Variants in ARHGAP17 observed in about 807,000 individuals in gnomAD.
ARHGAP17 encodes Rho GTPase activating protein 17, also known as rho GTPase-activating protein 17.
ARHGAP17 carries 57 observed loss-of-function variants against 99.5 expected under a neutral mutation model. The ratio of observed to expected loss-of-function variants is 0.57; its 90% confidence interval spans 0.46 to 0.71. ARHGAP17 has a LOEUF of 0.71. Among genes scored for constraint, ARHGAP17 ranks in the 30% least tolerant of loss-of-function variants. The pLI is 0.00. For synonymous variants in ARHGAP17, 417 were observed against 429.6 expected, an observed-to-expected ratio of 0.97 and a Z score of 0.36; for missense variants, 1,000 against 1,122.4, an observed-to-expected ratio of 0.89 and a Z score of 1.56.
chr16:24,996,505 C>T (rs2053195285), intron 1 of ARHGAP17, among the ~76,000 whole-genome samples: 1 of 152,206 alleles, frequency 6.6e-6, no homozygotes, highest in Admixed American at 6.5e-5. Context: ...TATGCATGCA[C>T]ATCTCCTTTG....
Position 24,949,438 on chromosome 16 carries a change from G to A in ARHGAP17, c.1093C>T (p.Gln365Ter). Residue 365 changes from glutamine (Q) to a stop codon, truncating the protein, a stop_gained, in exon 13 of 20, where the codon CAG becomes TAG. Transcript: ENST00000289968. LOFTEE classifies it high-confidence loss of function. ...KKLQDLWRTCQKLPPQNFVNF... is the reference protein window; with the variant it reads ...KKLQDLWRTC The stretch of plus-strand genomic sequence containing the variant: ...ACAAAATTTTGTGGTGGCAACTTCT[G>A]ACATGTTCTCCACAAGTCTTGAAGT... 1 of 1,613,802 alleles carries A rather than the reference G, an allele frequency of 6.2e-7. No individual in the cohort carries two copies. The highest frequency in any genetic ancestry group is 1.7e-5 in the Admixed American group (1 of 59,982).
intron 17 of ARHGAP17, 54 bp downstream of exon 17, chr16:24,939,310 G>C: frequency 1.3e-6 from 2 of 1,490,748 alleles, no homozygotes; most frequent in Non-Finnish European, 1.8e-6. Flanking sequence ...GCCACCACCT[G>C]CAAGAAGGCT....
chr16:25,006,240 A>G (rs1293890211), intron 1 of ARHGAP17, among the ~76,000 whole-genome samples: 1 of 151,984 alleles, frequency 6.6e-6, no homozygotes, highest in East Asian at 1.9e-4. Flanking sequence ...GGTCAGTTCC[A>G]GACCAGCCTG....
intron 1 of ARHGAP17, among the ~76,000 whole-genome samples, chr16:25,000,987 C>T (rs1237052342): frequency 1.3e-5 from 2 of 152,196 alleles, no homozygotes; most frequent in Non-Finnish European, 2.9e-5. Flanking sequence ...TATTACAACA[C>T]TTGTATTTTA....
chr16:24,982,417 A>C (rs1425747016), intron 1 of ARHGAP17, among the ~76,000 whole-genome samples: 1 of 152,220 alleles, frequency 6.6e-6, no homozygotes, highest in Admixed American at 6.5e-5. Flanking sequence ...AAAACAAAAA[A>C]AAAATGTGTA....
At chr16:24,967,039 A>G (rs1361416530) in intron 6 of ARHGAP17, among the ~76,000 whole-genome samples, 2 of 152,206 alleles carry the variant, frequency 1.3e-5, no homozygotes, top group Non-Finnish European at 2.9e-5. Flanking sequence ...TCAGTTGAAA[A>G]CACAGATGAA....
intron 1 of ARHGAP17, among the ~76,000 whole-genome samples, chr16:24,979,504 T>C (rs1014871397): frequency 3.9e-5 from 6 of 152,086 alleles, no homozygotes; most frequent in Non-Finnish European, 8.8e-5. Context: ...CCACACACAA[T>C]AACAATTAGT....
chr16:24,980,898 C>T (rs1236879842), intron 1 of ARHGAP17, among the ~76,000 whole-genome samples: 4 of 152,030 alleles, frequency 2.6e-5, no homozygotes, highest in African/African-American at 7.3e-5. Context: ...TCTGTAAGTA[C>T]GAGTATACAC....
At chr16:25,015,044 G>T (rs1479521276) in intron 1 of ARHGAP17, among the ~76,000 whole-genome samples, 165 bp downstream of exon 1, 3 of 151,298 alleles carry the variant, frequency 2.0e-5, no homozygotes, top group Non-Finnish European at 4.4e-5. Flanking sequence ...CGCGGCGCTC[G>T]GGCCTCAGCG....
At chr16:24,947,332 G>T in intron 14 of ARHGAP17, 150 bp downstream of exon 14, 1 of 673,290 alleles carries the variant, frequency 1.5e-6, no homozygotes, top group Non-Finnish European at 2.5e-6. Flanking sequence ...GCTCACAGCT[G>T]TGTTCCAAGA....
At chr16:24,945,004 G>C (rs979537953) in intron 14 of ARHGAP17, among the ~76,000 whole-genome samples, 1 of 151,776 alleles carries the variant, frequency 6.6e-6, no homozygotes, top group Non-Finnish European at 1.5e-5. Flanking sequence ...TGAGTGTTCA[G>C]ATGTTAATAG....
In ARHGAP17 at chr16:24,944,886, G is replaced by C. The variant is rs112460483; in HGVS notation, c.1242-1024C>G. ...CCGTCTCGGCCTCCCAAAGTGCTGG[G>C]ATTACAGGCGTGAGCCACCGCGCCT... On this transcript the variant is annotated intron_variant, in intron 14 of 19. Transcript: ENST00000289968. Among the ~76,000 whole-genome samples, 110 of 152,116 alleles carry C rather than the reference G, an allele frequency of 7.2e-4. 2 individuals carry two copies. The highest frequency in any genetic ancestry group is 2.5e-3 in the African/African-American group (105 of 41,534).
chr16:24,924,208 T>C (rs1292431822), intron 19 of ARHGAP17, among the ~76,000 whole-genome samples: 1 of 152,118 alleles, frequency 6.6e-6, no homozygotes, highest in Non-Finnish European at 1.5e-5. Flanking sequence ...TGGTTGATTG[T>C]TGTAAAAAAG....
At chr16:24,975,873 C>T (rs1412030696) in intron 3 of ARHGAP17, among the ~76,000 whole-genome samples, 1 of 152,174 alleles carries the variant, frequency 6.6e-6, no homozygotes, top group Non-Finnish European at 1.5e-5. Flanking sequence ...CTGGCTCTAC[C>T]TAGGAACTGA....
At chr16:24,993,011 C>T (rs910480706) in intron 1 of ARHGAP17, among the ~76,000 whole-genome samples, 4 of 152,118 alleles carry the variant, frequency 2.6e-5, no homozygotes, top group African/African-American at 9.7e-5. Flanking sequence ...ATGTTGTCCA[C>T]ACTGGTTTCA....
intron 1 of ARHGAP17, among the ~76,000 whole-genome samples, chr16:25,002,856 T>C (rs932343650): frequency 2.6e-5 from 4 of 151,840 alleles, no homozygotes; most frequent in Non-Finnish European, 5.9e-5. Flanking sequence ...CTGACCAATA[T>C]GGTAAAACTC....
chr16:24,949,720 C>T (rs1007950955), intron 12 of ARHGAP17, among the ~76,000 whole-genome samples: 4 of 152,168 alleles, frequency 2.6e-5, no homozygotes, highest in African/African-American at 9.7e-5. Context: ...TTCTGCTGAA[C>T]GATTTTGAGG....
chr16:24,999,175 C>CA (rs1197943729), intron 1 of ARHGAP17, among the ~76,000 whole-genome samples: 8 of 152,176 alleles, frequency 5.3e-5, no homozygotes, highest in African/African-American at 1.9e-4. Flanking sequence ...AAAGTGGTCT[C>CA]ACAGATTTCC....
rs898105306 is a variant in ARHGAP17, at chr16:24,970,614, T to A, written c.199-34A>T. 3.2e-6 allele frequency: 5 copies of A among 1,556,694 alleles called. No individual in the cohort carries two copies. The East Asian group carries it at 1.1e-4, about 35-fold the overall frequency. On this transcript the variant is annotated intron_variant, in intron 3 of 19. Transcript: ENST00000289968. ...TAGAAGACAGTGTGTGTTTTTCTCATTATTTGATACCCATTCTCAATGATC... is the reference window on the plus strand; with the variant it reads ...TAGAAGACAGTGTGTGTTTTTCTCAATATTTGATACCCATTCTCAATGATC...
Sources: allele counts gnomAD v4.1 joint callset (sites outside exome capture counted in the v4.1 genomes callset), GRCh38; gene constraint gnomAD v4.1.1; transcripts MANE v1.5; gene names NCBI Gene and HGNC (gene_info 2026-07-23, HGNC 2026-07-21).